KIF6: variants seen among roughly 807,000 people sequenced by gnomAD.
The protein encoded by KIF6 is kinesin family member 6, also known as kinesin-like protein KIF6.
KIF6 carries 106 observed loss-of-function variants against 112.7 expected under a neutral mutation model. The ratio of observed to expected loss-of-function variants is 0.94; its 90% CI spans 0.80 to 1.11. The LOEUF (loss-of-function observed/expected upper bound fraction) is 1.11. Ranked by LOEUF, KIF6 falls within the 50% of genes least tolerant of loss-of-function variation. KIF6 has a pLI of 0.00. For synonymous variants in KIF6, 339 were observed against 339.9 expected (o/e 1.00, Z 0.03); for missense variants, 929 against 964.0 (o/e 0.96, Z 0.48).
chr6:39,625,353 G>A (rs1204752006), intron 5 of KIF6, among the ~76,000 whole-genome samples: 4 of 152,126 alleles, frequency 2.6e-5, no homozygotes, highest in Non-Finnish European at 4.4e-5. Context: ...GCTAGGCTTC[G>A]TGTGGAATTA....
chr6:39,363,859 G>GGGTC (rs1765357193), intron 16 of KIF6, among the ~76,000 whole-genome samples: 1 of 152,184 alleles, frequency 6.6e-6, no homozygotes, highest in Non-Finnish European at 1.5e-5. Context: ...TTCTGACAGA[G>GGGTC]GGTCATCTGC....
intron 13 of KIF6, among the ~76,000 whole-genome samples, chr6:39,436,512 A>T (rs1386987943): frequency 1.3e-5 from 2 of 151,964 alleles, no homozygotes; most frequent in Non-Finnish European, 2.9e-5. Context: ...CTTAGATTTA[A>T]GTCTTTAATC....
intron 3 of KIF6, among the ~76,000 whole-genome samples, chr6:39,708,831 C>G (rs369987309): frequency 3.6e-4 from 55 of 151,852 alleles, no homozygotes; most frequent in African/African-American, 1.3e-3. Context: ...CAGGTATTCT[C>G]TGATAGCCTA....
intron 11 of KIF6, among the ~76,000 whole-genome samples, 173 bp downstream of exon 11, chr6:39,545,410 T>C (rs984861162): frequency 6.6e-6 from 1 of 152,226 alleles, no homozygotes; most frequent in Non-Finnish European, 1.5e-5. Context: ...GCAAGTAAGA[T>C]ACAATCTCTG....
chr6:39,691,366 G>A (rs1044080166), intron 3 of KIF6: 6 of 152,200 alleles, frequency 3.9e-5, no homozygotes, highest in African/African-American at 9.6e-5. Context: ...TAAATTAAGA[G>A]CCTAAGGGCA....
At chr6:39,364,027 C>T (rs1765372711) in intron 16 of KIF6, among the ~76,000 whole-genome samples, 2 of 152,020 alleles carry the variant, frequency 1.3e-5, no homozygotes, top group South Asian at 4.2e-4. Flanking sequence ...TGTAGCATAT[C>T]TTTCTTCTTA....
intron 10 of KIF6, among the ~76,000 whole-genome samples, chr6:39,576,415 T>C (rs992834082): frequency 3.9e-5 from 6 of 152,250 alleles, no homozygotes; most frequent in Non-Finnish European, 7.4e-5. Flanking sequence ...TGAACATTGG[T>C]AGTGATTGAA....
intron 9 of KIF6, 136 bp from the exon 10 acceptor site, chr6:39,578,295 G>C: frequency 2.1e-6 from 1 of 486,330 alleles, no homozygotes; most frequent in Non-Finnish European, 3.7e-6. Context: ...AGCCAGCTTT[G>C]TTAAATCTTA....
At chr6:39,629,723 G>A (rs1784266093) in intron 5 of KIF6, among the ~76,000 whole-genome samples, 1 of 151,744 alleles carries the variant, frequency 6.6e-6, no homozygotes, top group Non-Finnish European at 1.5e-5. Flanking sequence ...TATTTCACTG[G>A]TCATGCTTTT....
At chr6:39,419,454 C>A (rs1467672909) in intron 15 of KIF6, among the ~76,000 whole-genome samples, 1 of 151,872 alleles carries the variant, frequency 6.6e-6, no homozygotes, top group Non-Finnish European at 1.5e-5. Flanking sequence ...AAGTGGGGAG[C>A]CCTCCGTGGC....
At chr6:39,351,920 C>T (rs150438512) in intron 19 of KIF6, among the ~76,000 whole-genome samples, 421 of 152,266 alleles carry the variant, frequency 2.8e-3, no homozygotes, top group African/African-American at 9.3e-3. Context: ...GGAGTTTCAG[C>T]GAGAGGGCTC....
chr6:39,591,110 T>C (rs1781930474), intron 7 of KIF6, among the ~76,000 whole-genome samples: 1 of 152,118 alleles, frequency 6.6e-6, no homozygotes, highest in South Asian at 2.1e-4. Context: ...TGAGCGTGGG[T>C]CCTGGGCCCA....
intron 15 of KIF6, among the ~76,000 whole-genome samples, chr6:39,401,601 G>A (rs534805899): frequency 1.1e-4 from 16 of 152,132 alleles, no homozygotes; most frequent in Non-Finnish European, 2.4e-4. Flanking sequence ...ACTGCCAACA[G>A]TCATTGATTG....
At chr6:39,627,473 G>T (rs1784151116) in intron 5 of KIF6, among the ~76,000 whole-genome samples, 1 of 152,154 alleles carries the variant, frequency 6.6e-6, no homozygotes. Context: ...ACAAAGTTGG[G>T]TCTCAACAAA....
rs574300118 is a variant in KIF6, at chr6:39,611,004, T to C, written c.639+2185A>G. ...ATATTAAACACTCATCAGTAAGTAA[T>C]AGGAAAAGACCTGGAATTCTGGCTG... is the stretch of plus-strand genomic sequence containing the variant. On this transcript the variant is annotated intron_variant, in intron 6 of 22. Coordinates refer to ENST00000287152, the MANE Select transcript of KIF6 (RefSeq NM_145027.6). Among the ~76,000 whole-genome samples the C allele has an allele frequency of 6.6e-5, 10 of 152,264 alleles. No homozygotes were observed. The South Asian group carries it at 2.1e-3, about 32-fold the overall frequency.
intron 9 of KIF6, among the ~76,000 whole-genome samples, chr6:39,580,069 T>A (rs932297764): frequency 1.3e-5 from 2 of 152,096 alleles, no homozygotes; most frequent in African/African-American, 4.8e-5. Flanking sequence ...ACTGGAATTA[T>A]TACATTTAGT....
chr6:39,382,139 T>G (rs1450555082), intron 16 of KIF6, among the ~76,000 whole-genome samples: 1 of 152,232 alleles, frequency 6.6e-6, no homozygotes. Context: ...GTGGTATTTT[T>G]CACATCATTG....
At chr6:39,622,845 T>G (rs542766451) in intron 5 of KIF6, among the ~76,000 whole-genome samples, 3 of 152,326 alleles carry the variant, frequency 2.0e-5, no homozygotes, top group African/African-American at 7.2e-5. Flanking sequence ...TGACTAAAGC[T>G]GCCCACTAAG....
In KIF6 at chr6:39,343,878, CA is replaced by C. The variant is rs538771416; in HGVS notation, c.2322-64del. The C allele has an allele frequency of 1.0e-6, 1 of 992,346 alleles. No individual in the cohort carries two copies. Among genetic ancestry groups the C allele is most frequent in the South Asian group, 1.6e-5 (1 of 61,274 alleles). 61.5% of individuals were successfully genotyped at this position (992,346 alleles called of 1,614,324 possible). On this transcript the variant is annotated intron_variant, in intron 21 of 22. Transcript: ENST00000287152. The surrounding 1 kb of genome is among the most constrained non-coding windows in gnomAD (Gnocchi z 4.1). Reference sequence around the variant, plus strand: ...CAACTGGACTCACCACTTATATTTCCAAAATGCTTTTCCATTTTAGGTGACT... The same window carrying C: ...CAACTGGACTCACCACTTATATTTCCAAATGCTTTTCCATTTTAGGTGACT...
Sources: gnomAD v4.1 joint callset for allele counts (sites outside exome capture counted in the v4.1 genomes callset) on GRCh38, gnomAD v4.1.1 for gene constraint, Gnocchi (gnomAD v3.1) non-coding constraint, MANE v1.5 for transcripts, NCBI Gene and HGNC (gene_info 2026-07-23, HGNC 2026-07-21) for gene names.